SCAMP1: variants seen among roughly 807,000 people sequenced by gnomAD.
SCAMP1 encodes the protein secretory carrier-associated membrane protein 1.
A neutral mutation model predicts 41.8 loss-of-function variants in SCAMP1; 15 were observed. That is an observed-to-expected ratio of 0.36 (90% confidence interval 0.24 to 0.55). The LOEUF (loss-of-function observed/expected upper bound fraction) is 0.55. Among genes scored for constraint, SCAMP1 ranks in the 20% least tolerant of loss-of-function variants. SCAMP1 has a pLI of 0.86. For synonymous variants in SCAMP1, 135 were observed against 136.8 expected (o/e 0.99, Z 0.09); for missense variants, 341 against 412.6 (o/e 0.83, Z 1.50).
chr5:78,396,947 GTATCTT>G (rs1256064415), intron 2 of SCAMP1, among the ~76,000 whole-genome samples: 1 of 152,144 alleles, frequency 6.6e-6, no homozygotes, highest in Non-Finnish European at 1.5e-5. Context: ...CCTTACTAAA[GTATCTT>G]TAAGAAGAAA....
chr5:78,403,399 T>A (rs1450655501), intron 2 of SCAMP1, among the ~76,000 whole-genome samples: 1 of 152,156 alleles, frequency 6.6e-6, no homozygotes, highest in African/African-American at 2.4e-5. Flanking sequence ...TAAACATATA[T>A]ATGTATATAT....
Position 78,480,036 on chromosome 5 carries a change from ACT to A in SCAMP1, c.*4370_*4371del, listed in dbSNP as rs1754103396. Among the ~76,000 whole-genome samples, 1 of 144,376 alleles carries A rather than the reference ACT, an allele frequency of 6.9e-6. No individual in the cohort carries two copies. Among genetic ancestry groups the A allele is most frequent in the Admixed American group, 6.8e-5 (1 of 14,772 alleles). 94.7% of individuals were successfully genotyped at this position (144,376 alleles called of 152,430 possible). ...ACTCCAGCCTGGGCGACAGAGCGAG[ACT>A]CCATCTCAAGAAAAAAAAAAAAGAA... On this transcript the variant is annotated 3_prime_UTR_variant, in exon 9 of 9. Transcript: ENST00000621999.
chr5:78,457,502 T>A (rs760735193), intron 7 of SCAMP1, among the ~76,000 whole-genome samples: 17 of 152,026 alleles, frequency 1.1e-4, no homozygotes, highest in South Asian at 8.3e-4. Context: ...TGCTCGGGGG[T>A]CAGGGGTCAG....
intron 2 of SCAMP1, among the ~76,000 whole-genome samples, chr5:78,401,029 C>T (rs1472886289): frequency 2.6e-5 from 4 of 152,118 alleles, no homozygotes; most frequent in South Asian, 4.2e-4. Context: ...TCCTAGTTTG[C>T]TGAATGGTTT....
chr5:78,384,906 A>G (rs1751304761), intron 1 of SCAMP1, among the ~76,000 whole-genome samples: 1 of 151,932 alleles, frequency 6.6e-6, no homozygotes, highest in Non-Finnish European at 1.5e-5. Context: ...ATTGGCCTGT[A>G]GTTTTCTTTT....
intron 6 of SCAMP1, among the ~76,000 whole-genome samples, chr5:78,425,859 A>G (rs941050663): frequency 3.9e-5 from 6 of 152,160 alleles, no homozygotes; most frequent in African/African-American, 1.2e-4. Flanking sequence ...TACGTGTGCC[A>G]TGGTGGTTTG....
chr5:78,466,498 G>C (rs955977964), intron 8 of SCAMP1, among the ~76,000 whole-genome samples: 1 of 152,166 alleles, frequency 6.6e-6, no homozygotes, highest in South Asian at 2.1e-4. Flanking sequence ...GGGATACCAC[G>C]TTCACATCTA....
At chr5:78,431,613 TA>T (rs1227292868) in intron 6 of SCAMP1, among the ~76,000 whole-genome samples, 1 of 151,232 alleles carries the variant, frequency 6.6e-6, no homozygotes, top group Non-Finnish European at 1.5e-5. Context: ...TTATATCTCT[TA>T]AAACTGTTTT....
intron 7 of SCAMP1, among the ~76,000 whole-genome samples, chr5:78,458,612 G>C (rs1281552823): frequency 3.3e-5 from 5 of 152,220 alleles, no homozygotes; most frequent in Non-Finnish European, 7.3e-5. Context: ...TAGGCCAGGT[G>C]CAGTGGCTCA....
At chr5:78,407,992 C>T (rs1751975624) in intron 2 of SCAMP1, among the ~76,000 whole-genome samples, 1 of 151,828 alleles carries the variant, frequency 6.6e-6, no homozygotes, top group African/African-American at 2.4e-5. Flanking sequence ...TTCTGTGGAC[C>T]CTTGTGGTTT....
intron 7 of SCAMP1, among the ~76,000 whole-genome samples, chr5:78,458,369 G>A (rs1753488592): frequency 6.6e-6 from 1 of 152,096 alleles, no homozygotes; most frequent in Non-Finnish European, 1.5e-5. Context: ...GGTGTGTAGT[G>A]ATATCTCATT....
intron 8 of SCAMP1, among the ~76,000 whole-genome samples, chr5:78,473,681 T>C (rs992440768): frequency 1.3e-5 from 2 of 152,148 alleles, no homozygotes; most frequent in Non-Finnish European, 2.9e-5. Flanking sequence ...TTTATGTCCA[T>C]GTATACCCAA....
intron 7 of SCAMP1, among the ~76,000 whole-genome samples, chr5:78,458,135 C>T (rs955416204): frequency 3.5e-4 from 53 of 152,138 alleles, no homozygotes; most frequent in African/African-American, 1.3e-3. Flanking sequence ...ATGCAGAAAT[C>T]ACCCGTCTTC....
At chr5:78,446,166 C>T (rs993216751) in intron 6 of SCAMP1, among the ~76,000 whole-genome samples, 1 of 152,126 alleles carries the variant, frequency 6.6e-6, no homozygotes, top group Non-Finnish European at 1.5e-5. Context: ...TTTGTGTGTA[C>T]TAACTGTACA....
chr5:78,401,082 A>G (rs1751786045), intron 2 of SCAMP1, among the ~76,000 whole-genome samples: 1 of 152,104 alleles, frequency 6.6e-6, no homozygotes, highest in Non-Finnish European at 1.5e-5. Context: ...CTTTTTCTGT[A>G]TCTACTGATA....
At chr5:78,426,230 G>T (rs947367548) in intron 6 of SCAMP1, among the ~76,000 whole-genome samples, 1 of 152,132 alleles carries the variant, frequency 6.6e-6, no homozygotes, top group African/African-American at 2.4e-5. Context: ...AGTCTTTGCT[G>T]TTGTGAATAG....
At chr5:78,371,675 G>A (rs1194460698) in intron 1 of SCAMP1, among the ~76,000 whole-genome samples, 1 of 152,096 alleles carries the variant, frequency 6.6e-6, no homozygotes, top group Non-Finnish European at 1.5e-5. Flanking sequence ...TTAATAGCAG[G>A]TTTTACACTT....
rs183397320 is a variant in SCAMP1 at position 78,454,272 on chromosome 5, G to A, written c.734+4238G>A. 4.4e-4 allele frequency among the ~76,000 whole-genome samples: 67 copies of A among 152,264 alleles called. 1 individual carries two copies. Among genetic ancestry groups the A allele is most frequent in the African/African-American group, 1.6e-3 (65 of 41,548 alleles). ...CCCTGTCTTGTGCCAGTTTTCAAAG[G>A]GAATGCTTCCAGTTCTTACCCATTC... On this transcript the variant is annotated intron_variant, in intron 7 of 8. Transcript: ENST00000621999.
chr5:78,386,514 TTTC>T (rs1257469596), intron 1 of SCAMP1, among the ~76,000 whole-genome samples: 2 of 151,668 alleles, frequency 1.3e-5, no homozygotes, highest in African/African-American at 4.9e-5. Flanking sequence ...CTGAATACCT[TTTC>T]TTTTTTCTTT....
Sources: gnomAD v4.1 joint callset for allele counts (sites outside exome capture counted in the v4.1 genomes callset) on GRCh38, gnomAD v4.1.1 for gene constraint, MANE v1.5 for transcripts, NCBI Gene and HGNC (gene_info 2026-07-23, HGNC 2026-07-21) for gene names.